The following SLC25A48 variants were observed in gnomAD, a reference collection of about 807,000 sequenced individuals.
SLC25A48 encodes CTC-321K16.1.
A neutral mutation model predicts 32.2 loss-of-function variants in SLC25A48; 29 were observed. That is an observed-to-expected ratio of 0.90 (90% confidence interval 0.67 to 1.23). The LOEUF (loss-of-function observed/expected upper bound fraction) is 1.23. Ranked by LOEUF, SLC25A48 falls within the 50% of genes most tolerant of loss-of-function variation. The probability of loss-of-function intolerance (pLI) is 0.00; values close to 1 mark genes in which losing one functional copy is unlikely to be tolerated. For synonymous variants in SLC25A48, 164 were observed against 172.3 expected (o/e 0.95, Z 0.38); for missense variants, 399 against 422.7 (o/e 0.94, Z 0.49).
intron 1 of SLC25A48, among the ~76,000 whole-genome samples, chr5:135,599,703 C>T (rs991709259): frequency 5.3e-5 from 8 of 152,200 alleles, no homozygotes; most frequent in Admixed American, 3.9e-4. Flanking sequence ...GTTCTTCCTT[C>T]CTCCCTTCCT....
intron 3 of SLC25A48, among the ~76,000 whole-genome samples, chr5:135,788,841 C>T (rs62364677): frequency 0.26 from 38,256 of 149,428 alleles, 5,039 homozygotes; most frequent in East Asian, 0.43. Context: ...CCATATGGTC[C>T]GTAATATCTA....
intron 1 of SLC25A48, among the ~76,000 whole-genome samples, chr5:135,587,300 T>A (rs1244689904): frequency 6.6e-6 from 1 of 152,244 alleles, no homozygotes; most frequent in Non-Finnish European, 1.5e-5. Flanking sequence ...CCCAAAATTC[T>A]GGAACTACAG....
intron 3 of SLC25A48, among the ~76,000 whole-genome samples, chr5:135,639,710 C>G (rs1031067086): frequency 2.0e-5 from 3 of 152,074 alleles, no homozygotes; most frequent in Non-Finnish European, 2.9e-5. Flanking sequence ...AAAGTTCATA[C>G]CCTGAGACTA....
chr5:135,701,024 A>G (rs745693569), intron 3 of SLC25A48, among the ~76,000 whole-genome samples: 5 of 152,180 alleles, frequency 3.3e-5, no homozygotes, highest in African/African-American at 4.8e-5. Context: ...AGATCTGGCA[A>G]TGGGCCATCC....
At chr5:135,800,296 C>G (rs1462032859) in intron 3 of SLC25A48, among the ~76,000 whole-genome samples, 1 of 151,810 alleles carries the variant, frequency 6.6e-6, no homozygotes, top group Non-Finnish European at 1.5e-5. Context: ...AAAGGGTGTA[C>G]AGCCCGCTTG....
chr5:135,646,726 G>A (rs1752973252), intron 3 of SLC25A48, among the ~76,000 whole-genome samples: 1 of 144,392 alleles, frequency 6.9e-6, no homozygotes, highest in Non-Finnish European at 1.5e-5. Context: ...GGCACAGAAA[G>A]ACAAACACTA....
intron 3 of SLC25A48, among the ~76,000 whole-genome samples, chr5:135,804,532 T>C (rs575237414): frequency 1.1e-4 from 17 of 151,734 alleles, no homozygotes; most frequent in Admixed American, 3.9e-4. Flanking sequence ...CCAACTGTGA[T>C]ATTATTTGTT....
chr5:135,728,992 A>C (rs1391226674), intron 3 of SLC25A48, among the ~76,000 whole-genome samples: 1 of 152,112 alleles, frequency 6.6e-6, no homozygotes. Context: ...CCTGTAGTTC[A>C]GAGCTCTGTG....
chr5:135,706,470 G>A (rs1754510274), intron 3 of SLC25A48, among the ~76,000 whole-genome samples: 1 of 152,168 alleles, frequency 6.6e-6, no homozygotes, highest in Admixed American at 6.5e-5. Flanking sequence ...AAGGATTGAT[G>A]GGATAAGATG....
chr5:135,724,335 C>T (rs1274155062), intron 3 of SLC25A48, among the ~76,000 whole-genome samples: 2 of 152,238 alleles, frequency 1.3e-5, no homozygotes, highest in African/African-American at 4.8e-5. Context: ...TCTAATGGCT[C>T]TTAAATGTCA....
chr5:135,591,005 C>G (rs1197313691), intron 1 of SLC25A48, among the ~76,000 whole-genome samples: 1 of 152,254 alleles, frequency 6.6e-6, no homozygotes, highest in Non-Finnish European at 1.5e-5. Context: ...CATGTGCCAC[C>G]ACAGCATCAT....
At chr5:135,850,823 C>T (rs1759793185) in intron 3 of SLC25A48, among the ~76,000 whole-genome samples, 2 of 152,222 alleles carry the variant, frequency 1.3e-5, no homozygotes, top group Admixed American at 1.3e-4. Context: ...GAATGAGTGA[C>T]TGGCAAACCG....
intron 4 of SLC25A48, among the ~76,000 whole-genome samples, chr5:135,820,505 T>G (rs746753447): frequency 6.6e-6 from 1 of 152,160 alleles, no homozygotes; most frequent in Non-Finnish European, 1.5e-5. Flanking sequence ...TGTATATAAA[T>G]TAGACCTCAA....
chr5:135,710,743 G>A (rs1391883338), intron 3 of SLC25A48, among the ~76,000 whole-genome samples: 2 of 152,224 alleles, frequency 1.3e-5, no homozygotes, highest in Non-Finnish European at 2.9e-5. Context: ...TGGGAAGAAG[G>A]CACTGGCCAA....
chr5:135,850,842 T>C (rs1041206406), intron 3 of SLC25A48, among the ~76,000 whole-genome samples: 4 of 152,162 alleles, frequency 2.6e-5, no homozygotes, highest in African/African-American at 7.2e-5. Flanking sequence ...CGTGTGCTGA[T>C]AGACCTCCCT....
At chr5:135,819,185 A>T (rs887591875) in intron 4 of SLC25A48, among the ~76,000 whole-genome samples, 4 of 152,184 alleles carry the variant, frequency 2.6e-5, no homozygotes, top group African/African-American at 4.8e-5. Flanking sequence ...TAAAGATCTA[A>T]AGCTTCCTAA....
At chr5:135,882,350 G>A (rs919262180) in intron 7 of SLC25A48, among the ~76,000 whole-genome samples, 3 of 152,140 alleles carry the variant, frequency 2.0e-5, no homozygotes, top group African/African-American at 7.2e-5. Context: ...TGAGATTTGG[G>A]GAAGCCCATG....
intron 4 of SLC25A48, among the ~76,000 whole-genome samples, chr5:135,866,232 G>A (rs1294558303): frequency 6.6e-6 from 1 of 152,218 alleles, no homozygotes; most frequent in African/African-American, 2.4e-5. Flanking sequence ...GAGGAGGCTG[G>A]GAGCACTTTC....
rs1436477375 is a variant in SLC25A48 at position 135,646,676 on chromosome 5, T to TACAC, written c.-521+11721_-521+11722insCACA. Among the ~76,000 whole-genome samples the TACAC allele has an allele frequency of 2.0e-4, 27 of 132,018 alleles. 2 individuals are homozygous for TACAC. The highest frequency in any genetic ancestry group is 7.0e-4 in the African/African-American group (24 of 34,532). 86.6% of individuals were successfully genotyped at this position (132,018 alleles called of 152,430 possible). A position where few individuals can be genotyped will look rare whatever the true frequency, so the allele number is the denominator to read the frequency against. ...ATTTCCCATTATATATATATATATA[T>TACAC]ATACAATGGGAAGGACATAATGCTA... On this transcript the variant is annotated intron_variant, in intron 3 of 10. Transcript: ENST00000646290.
Sources: allele counts gnomAD v4.1 joint callset (sites outside exome capture counted in the v4.1 genomes callset), GRCh38; gene constraint gnomAD v4.1.1; transcripts MANE v1.5; gene names NCBI Gene and HGNC (gene_info 2026-07-23, HGNC 2026-07-21).